The following RIC1 variants were observed in gnomAD, a reference collection of about 807,000 sequenced individuals.
The protein encoded by RIC1 is RIC1 partner of RAB6A GEF complex, also known as guanine nucleotide exchange factor subunit RIC1.
Under a neutral mutation model 169.0 loss-of-function variants are expected in RIC1, and 88 were observed. That is an observed-to-expected ratio of 0.52 (90% CI 0.44 to 0.62). The LOEUF is 0.62. Among genes scored for constraint, RIC1 ranks in the 20% least tolerant of loss-of-function variants. The probability of loss-of-function intolerance (pLI) is 0.00; values close to 1 mark genes in which losing one functional copy is unlikely to be tolerated. For missense variants in RIC1, 1,877 were observed against 1,725.5 expected (o/e 1.09, Z -1.56); for synonymous variants, 790 against 601.5 (o/e 1.31, Z -4.59).
At chr9:5,766,223 G>T (rs1826734478) in intron 21 of RIC1, among the ~76,000 whole-genome samples, 1 of 152,082 alleles carries the variant, frequency 6.6e-6, no homozygotes, top group Non-Finnish European at 1.5e-5. Context: ...CATATTTTTA[G>T]TAGAGACGGG....
At chr9:5,645,687 A>C (rs756343411) in intron 1 of RIC1, among the ~76,000 whole-genome samples, 12 of 152,194 alleles carry the variant, frequency 7.9e-5, no homozygotes, top group Admixed American at 7.2e-4. Flanking sequence ...TGCACTCAGC[A>C]TGTCTTAAGT....
chr9:5,693,822 AT>A (rs568063308), intron 3 of RIC1, among the ~76,000 whole-genome samples: 26 of 151,668 alleles, frequency 1.7e-4, no homozygotes, highest in African/African-American at 2.9e-4. Context: ...GAGAGCAGAG[AT>A]TTTTTTCCCC....
intron 3 of RIC1, among the ~76,000 whole-genome samples, chr9:5,694,504 T>G (rs944117754): frequency 2.6e-5 from 4 of 152,234 alleles, no homozygotes; most frequent in Non-Finnish European, 4.4e-5. Flanking sequence ...TGTGTTTATA[T>G]TCTGTAAATG....
At chr9:5,776,999 C>G (rs1313666307), downstream of RIC1, among the ~76,000 whole-genome samples, 3 of 152,014 alleles carry the variant, frequency 2.0e-5, no homozygotes, top group African/African-American at 7.2e-5. Flanking sequence ...AGTATGTGAA[C>G]TTTTCTATCT....
intron 2 of RIC1, among the ~76,000 whole-genome samples, chr9:5,682,839 A>G (rs1007974215): frequency 4.6e-5 from 7 of 151,958 alleles, no homozygotes; most frequent in African/African-American, 9.7e-5. Context: ...ATAGTCCTAT[A>G]TTTCTTGGAG....
intron 1 of RIC1, among the ~76,000 whole-genome samples, chr9:5,633,875 A>T (rs1586853175): frequency 6.6e-6 from 1 of 152,112 alleles, no homozygotes; most frequent in South Asian, 2.1e-4. Context: ...GAAAATTTGT[A>T]CCTTTGACTG....
intron 2 of RIC1, among the ~76,000 whole-genome samples, chr9:5,689,604 A>T (rs1821476068): frequency 6.6e-6 from 1 of 152,220 alleles, no homozygotes; most frequent in African/African-American, 2.4e-5. Flanking sequence ...TTGTTGCTTT[A>T]TAAACTTAGA....
chr9:5,747,028 G>C (rs1438583942), intron 11 of RIC1, among the ~76,000 whole-genome samples: 1 of 152,114 alleles, frequency 6.6e-6, no homozygotes, highest in African/African-American at 2.4e-5. Context: ...GTGCTACTTT[G>C]TCTGATTTCA....
Position 5,756,133 on chromosome 9 carries a change from A to G in RIC1, c.1693-79A>G, listed in dbSNP as rs1200213964. On this transcript the variant is annotated intron_variant, in intron 15 of 25. Coordinates refer to ENST00000414202, the MANE Select transcript of RIC1 (RefSeq NM_020829.4). ...AAAAAAAAAAAAAGTCGGAAGTTAA[A>G]AACAGCATGTTTAAAGTATTTGGTC... The G allele has an allele frequency of 3.1e-6, 3 of 958,602 alleles. No homozygotes were observed. The African/African-American group carries it at 5.1e-5, about 16-fold the overall frequency. 59.4% of individuals were successfully genotyped at this position (958,602 alleles called of 1,614,324 possible). A position where few individuals can be genotyped will look rare whatever the true frequency, so the allele number is the denominator to read the frequency against.
intron 2 of RIC1, among the ~76,000 whole-genome samples, chr9:5,671,577 G>T (rs1820110599): frequency 6.6e-6 from 1 of 152,148 alleles, no homozygotes; most frequent in Non-Finnish European, 1.5e-5. Flanking sequence ...CACCCAGCCT[G>T]TATTATTTTA....
chr9:5,631,569 C>G (rs1411132014), intron 1 of RIC1, among the ~76,000 whole-genome samples: 1 of 151,850 alleles, frequency 6.6e-6, no homozygotes, highest in African/African-American at 2.4e-5. Flanking sequence ...CGCCTATAGC[C>G]CCAGCTACTC....
At chr9:5,637,019 T>G (rs1818003541) in intron 1 of RIC1, among the ~76,000 whole-genome samples, 1 of 152,140 alleles carries the variant, frequency 6.6e-6, no homozygotes, top group Admixed American at 6.6e-5. Flanking sequence ...GTGTTTTGAT[T>G]TTTGTGAGAA....
intron 3 of RIC1, among the ~76,000 whole-genome samples, chr9:5,707,943 T>A (rs1438896467): frequency 6.6e-6 from 1 of 152,196 alleles, no homozygotes; most frequent in Non-Finnish European, 1.5e-5. Flanking sequence ...GTATCTTTTT[T>A]GTCCTGGGTT....
chr9:5,664,865 A>C (rs1435235072), intron 2 of RIC1, among the ~76,000 whole-genome samples: 1 of 152,112 alleles, frequency 6.6e-6, no homozygotes, highest in Non-Finnish European at 1.5e-5. Context: ...GATAGTCTTC[A>C]AGCTCTGAGA....
At position 5,768,994 on chromosome 9, in the gene RIC1, T is replaced by G. The variant is rs748223834; in HGVS notation, c.3162T>G (p.Ala1054=). ...GKRWSKDSDC[A]ENMYIDMMLW... is the part of the protein sequence containing the mutation. ...GATGGAGCAAAGACAGTGACTGTGCTGAGAACATGTATATTGACATGATGC... is the reference window on the plus strand; with the variant it reads ...GATGGAGCAAAGACAGTGACTGTGCGGAGAACATGTATATTGACATGATGC... Residue 1054 remains alanine, a synonymous_variant, in exon 22 of 26, where the codon GCT becomes GCG. Transcript: ENST00000414202. 9.3e-6 allele frequency: 15 copies of G among 1,612,914 alleles called. No individual in the cohort carries two copies. The South Asian group carries it at 1.5e-4, about 17-fold the overall frequency.
At chr9:5,755,474 C>G (rs1180373802) in intron 15 of RIC1, among the ~76,000 whole-genome samples, 1 of 152,174 alleles carries the variant, frequency 6.6e-6, no homozygotes, top group Non-Finnish European at 1.5e-5. Context: ...TGTGGTCTCT[C>G]AGAATATCTT....
intron 16 of RIC1, among the ~76,000 whole-genome samples, chr9:5,756,980 T>C (rs1826050786): frequency 6.6e-6 from 1 of 152,222 alleles, no homozygotes; most frequent in South Asian, 2.1e-4. Context: ...AGATAAAAAT[T>C]AAGACATCTC....
intron 3 of RIC1, among the ~76,000 whole-genome samples, chr9:5,694,415 G>A (rs954584096): frequency 5.3e-5 from 8 of 152,118 alleles, no homozygotes; most frequent in Admixed American, 4.6e-4. Context: ...TTATAAACTT[G>A]ACAAAGTATG....
intron 3 of RIC1, among the ~76,000 whole-genome samples, chr9:5,702,472 G>A (rs1050554445): frequency 6.6e-6 from 1 of 152,154 alleles, no homozygotes; most frequent in African/African-American, 2.4e-5. Context: ...GCAGGAAGCC[G>A]GGGAGAGGTG....
Sources: allele counts gnomAD v4.1 joint callset (sites outside exome capture counted in the v4.1 genomes callset), GRCh38; gene constraint gnomAD v4.1.1; transcripts MANE v1.5; gene names NCBI Gene and HGNC (gene_info 2026-07-23, HGNC 2026-07-21).